Variants in ACCSL observed in about 807,000 individuals in gnomAD.
ACCSL encodes probable inactive 1-aminocyclopropane-1-carboxylate synthase-like protein 2.
ACCSL carries 55 observed loss-of-function variants against 61.7 expected under a neutral mutation model. That is an observed-to-expected ratio of 0.89 (90% CI 0.72 to 1.12). ACCSL has a LOEUF of 1.12. Ranked by LOEUF, ACCSL falls within the 50% of genes most tolerant of loss-of-function variation. The pLI, the probability that ACCSL is intolerant of heterozygous loss-of-function variation, is 0.00. For missense variants in ACCSL, 632 were observed against 698.0 expected, an observed-to-expected ratio of 0.91 and a Z score of 1.07; for synonymous variants, 258 against 264.3, an observed-to-expected ratio of 0.98 and a Z score of 0.23.
chr11:44,039,632 C>T, the ACCSL span, among the ~76,000 whole-genome samples: 1 of 152,198 alleles, frequency 6.6e-6, no homozygotes, highest in Admixed American at 6.5e-5. Context: ...CAAACACAGC[C>T]TGTTTCCCAA....
the ACCSL span, among the ~76,000 whole-genome samples, chr11:43,958,150 T>G: frequency 6.6e-6 from 1 of 152,304 alleles, no homozygotes; most frequent in Admixed American, 6.5e-5. Flanking sequence ...CAGGTCAAGA[T>G]GAGAGGGGCT....
chr11:44,028,881 G>C, the ACCSL span, among the ~76,000 whole-genome samples: 1 of 152,224 alleles, frequency 6.6e-6, no homozygotes, highest in Non-Finnish European at 1.5e-5. Flanking sequence ...AAATGAGTTA[G>C]CTTAAACAAT....
At chr11:44,051,986 T>C (rs1423872695) in intron 5 of ACCSL, among the ~76,000 whole-genome samples, 1 of 152,232 alleles carries the variant, frequency 6.6e-6, no homozygotes, top group East Asian at 1.9e-4. Flanking sequence ...ACTATGTTCA[T>C]GGCTGGGCTT....
At chr11:43,943,575 T>C in the ACCSL span, 1 of 1,313,076 alleles carries the variant, frequency 7.6e-7, no homozygotes, top group Non-Finnish European at 1.0e-6. The surrounding 1 kb of genome is among the most constrained non-coding windows in gnomAD (Gnocchi z 4.8). Flanking sequence ...CCGCGCTGAG[T>C]CGGCGGCGGG....
At position 44,059,972 on chromosome 11, in the gene ACCSL, C is replaced by T. The variant is rs1156970316; in HGVS notation, c.*52C>T. ...CAGCCCATCACTTGCTCAGGGACCC[C>T]CTAATGTCAGCCTCTGGCCCAGAAG... On this transcript the variant is annotated 3_prime_UTR_variant, in exon 14 of 14. Transcript: ENST00000378832. The T allele has an allele frequency of 6.5e-7, 1 of 1,549,884 alleles. No individual in the cohort carries two copies. The highest frequency in any genetic ancestry group is 8.9e-7 in the Non-Finnish European group (1 of 1,124,716).
chr11:44,003,039 A>T, the ACCSL span, among the ~76,000 whole-genome samples: 11 of 152,218 alleles, frequency 7.2e-5, no homozygotes, highest in Non-Finnish European at 1.5e-4. Flanking sequence ...AGGGGACATG[A>T]GTAAAGACCA....
At chr11:43,965,414 C>T in the ACCSL span, among the ~76,000 whole-genome samples, 1 of 152,094 alleles carries the variant, frequency 6.6e-6, no homozygotes, top group East Asian at 1.9e-4. Flanking sequence ...AAGACTTGTA[C>T]ACCGAAAACT....
chr11:43,946,870 C>G, the ACCSL span, among the ~76,000 whole-genome samples: 1 of 152,004 alleles, frequency 6.6e-6, no homozygotes, highest in African/African-American at 2.4e-5. Context: ...TCAGGCTGGT[C>G]CTGGAAAGCC....
the ACCSL span, among the ~76,000 whole-genome samples, chr11:43,931,759 C>T: frequency 1.7e-4 from 26 of 152,188 alleles, 3 homozygotes; most frequent in Admixed American, 1.2e-3. Context: ...GTCCCCTGCG[C>T]GTCCCTTTAA....
the ACCSL span, chr11:43,925,142 A>G: frequency 3.9e-6 from 1 of 256,914 alleles, no homozygotes; most frequent in Non-Finnish European, 8.1e-6. Context: ...TAGCCTGCCC[A>G]GCTGTGCCCT....
chr11:43,959,044 A>G, the ACCSL span, among the ~76,000 whole-genome samples: 2 of 152,250 alleles, frequency 1.3e-5, no homozygotes, highest in African/African-American at 4.8e-5. Context: ...GCACTAATCC[A>G]TCCATGAAGG....
chr11:44,047,159 C>T (rs910758755), upstream of ACCSL, among the ~76,000 whole-genome samples: 52 of 152,214 alleles, frequency 3.4e-4, no homozygotes, highest in East Asian at 5.8e-4. Context: ...TTTCCTACCA[C>T]GCCCTCCAGG....
At chr11:44,040,782 T>G in the ACCSL span, among the ~76,000 whole-genome samples, 3 of 150,606 alleles carry the variant, frequency 2.0e-5, no homozygotes, top group Non-Finnish European at 4.4e-5. Context: ...TCCAGTGAGG[T>G]AGGGTCCCTC....
chr11:44,005,650 A>T, the ACCSL span, among the ~76,000 whole-genome samples: 1 of 152,092 alleles, frequency 6.6e-6, no homozygotes, highest in African/African-American at 2.4e-5. Flanking sequence ...ACACCAACTC[A>T]TTCTGGCTTC....
At chr11:43,997,959 C>T in the ACCSL span, among the ~76,000 whole-genome samples, 1 of 152,226 alleles carries the variant, frequency 6.6e-6, no homozygotes, top group Admixed American at 6.5e-5. Context: ...CCAGCGGTGT[C>T]TGTCTCACAC....
the ACCSL span, among the ~76,000 whole-genome samples, chr11:43,958,092 C>A: frequency 6.6e-6 from 1 of 152,168 alleles, no homozygotes; most frequent in South Asian, 2.1e-4. Context: ...TAGCCCTTCC[C>A]AAAAGGCTAA....
chr11:43,997,049 G>T, the ACCSL span, among the ~76,000 whole-genome samples: 1 of 151,808 alleles, frequency 6.6e-6, no homozygotes, highest in African/African-American at 2.4e-5. Context: ...GACCTCAGGT[G>T]ATCCACCCGC....
chr11:44,055,097 TAAAA>T, intron 8 of ACCSL, 101 bp from the exon 9 acceptor site: 1 of 806,386 alleles, frequency 1.2e-6, no homozygotes, highest in Non-Finnish European at 2.0e-6. Flanking sequence ...GAGAACACCA[TAAAA>T]GACATGACTT....
At chr11:44,039,480 C>A in the ACCSL span, among the ~76,000 whole-genome samples, 2 of 151,316 alleles carry the variant, frequency 1.3e-5, no homozygotes, top group African/African-American at 4.9e-5. Flanking sequence ...AAAAATGACA[C>A]AATTGATTTT....
Sources: gnomAD v4.1 joint callset for allele counts (sites outside exome capture counted in the v4.1 genomes callset) on GRCh38, gnomAD v4.1.1 for gene constraint, Gnocchi (gnomAD v3.1) non-coding constraint, MANE v1.5 for transcripts, NCBI Gene and HGNC (gene_info 2026-07-23, HGNC 2026-07-21) for gene names.